Variants in KCNK13 observed in about 807,000 individuals in gnomAD.
KCNK13 encodes potassium two pore domain channel subfamily K member 13.
In KCNK13, 12 loss-of-function variants were observed where a neutral mutation model predicts 23.4. The observed-to-expected ratio is 0.51, with a 90% CI of 0.33 to 0.83. The LOEUF is 0.83. Among genes scored for constraint, KCNK13 ranks in the 40% least tolerant of loss-of-function variants. The pLI, the probability that KCNK13 is intolerant of heterozygous loss-of-function variation, is 0.02. For missense variants in KCNK13, 463 were observed against 556.3 expected, an observed-to-expected ratio of 0.83 and a Z score of 1.69; for synonymous variants, 231 against 229.5, an observed-to-expected ratio of 1.01 and a Z score of -0.06.
chr14:90,165,567 G>T (rs1358087756), intron 1 of KCNK13, among the ~76,000 whole-genome samples: 1 of 152,226 alleles, frequency 6.6e-6, no homozygotes, highest in Non-Finnish European at 1.5e-5. Flanking sequence ...ACATGCCTGT[G>T]TTGGTAACAT....
At chr14:90,103,279 G>A (rs1889503354) in intron 1 of KCNK13, among the ~76,000 whole-genome samples, 1 of 152,152 alleles carries the variant, frequency 6.6e-6, no homozygotes, top group African/African-American at 2.4e-5. Context: ...AAAATGATCT[G>A]TTTTCCTTTG....
intron 1 of KCNK13, among the ~76,000 whole-genome samples, chr14:90,099,251 T>C (rs1396249444): frequency 6.6e-6 from 1 of 152,180 alleles, no homozygotes; most frequent in Admixed American, 6.5e-5. Context: ...CTCAGCGCAG[T>C]TGAACTTTCA....
intron 1 of KCNK13, among the ~76,000 whole-genome samples, chr14:90,181,291 C>T (rs558310504): frequency 7.2e-5 from 11 of 152,122 alleles, no homozygotes; most frequent in Non-Finnish European, 1.5e-4. Flanking sequence ...GAGGTTTATC[C>T]ACAATAGAGG....
chr14:90,072,899 C>T lies in KCNK13; in HGVS notation c.334+10360C>T, dbSNP rs117446955. On this transcript the variant is annotated intron_variant, in intron 1 of 1. Transcript: ENST00000282146. ...TAAAAGTATGAAATTTTGGATTTCA[C>T]CATGGTTAAACACAGTGCACATCTT... Among the ~76,000 whole-genome samples, 69 of 152,098 alleles carry T rather than the reference C, an allele frequency of 4.5e-4. 3 individuals carry two copies. In the East Asian group the frequency reaches 9.3e-3, roughly 20 times the overall value.
rs553753142 is a variant in KCNK13, at chr14:90,164,945, C to T, written c.335-19166C>T. Among the ~76,000 whole-genome samples the T allele has an allele frequency of 4.5e-4, 69 of 152,270 alleles. 1 individual carries two copies. Among genetic ancestry groups the T allele is most frequent in the Middle Eastern group, 3.4e-3 (1 of 294 alleles). On this transcript the variant is annotated intron_variant, in intron 1 of 1. Coordinates refer to ENST00000282146, the MANE Select transcript of KCNK13 (RefSeq NM_022054.4). ...TTTCACACTGTTCATTTCGCATACC[C>T]CTTACCCATGGGTAATTTATACATG... is the stretch of plus-strand genomic sequence containing the variant.
intron 1 of KCNK13, among the ~76,000 whole-genome samples, chr14:90,151,469 T>G (rs1667096614): frequency 6.6e-6 from 1 of 152,222 alleles, no homozygotes; most frequent in African/African-American, 2.4e-5. Context: ...CTTTGCCCAT[T>G]ATTAAATTAT....
intron 1 of KCNK13, among the ~76,000 whole-genome samples, chr14:90,145,063 GT>G (rs921521679): frequency 2.6e-5 from 4 of 151,016 alleles, no homozygotes; most frequent in Non-Finnish European, 4.4e-5. Flanking sequence ...ATTACATGGG[GT>G]TTTTTTTTAG....
At chr14:90,087,294 G>A (rs1026781403) in intron 1 of KCNK13, among the ~76,000 whole-genome samples, 4 of 151,354 alleles carry the variant, frequency 2.6e-5, no homozygotes, top group Non-Finnish European at 4.4e-5. Flanking sequence ...CCATTATTTC[G>A]TGGTTTAATA....
intron 1 of KCNK13, among the ~76,000 whole-genome samples, chr14:90,111,082 G>C (rs1162933816): frequency 6.6e-6 from 1 of 151,708 alleles, no homozygotes; most frequent in Non-Finnish European, 1.5e-5. Flanking sequence ...CCCTGCATTA[G>C]CCTATTAATA....
chr14:90,064,742 G>C (rs555095912), intron 1 of KCNK13, among the ~76,000 whole-genome samples: 1 of 152,200 alleles, frequency 6.6e-6, no homozygotes, highest in East Asian at 1.9e-4. Context: ...CGTGTTAAAA[G>C]GTAAAAAACA....
At chr14:90,128,241 T>C (rs1329940449) in intron 1 of KCNK13, among the ~76,000 whole-genome samples, 2 of 152,224 alleles carry the variant, frequency 1.3e-5, no homozygotes, top group Non-Finnish European at 2.9e-5. Context: ...TATTCTTTCA[T>C]TCCGGGAAAG....
intron 1 of KCNK13, among the ~76,000 whole-genome samples, chr14:90,133,482 G>A (rs1228912179): frequency 6.7e-6 from 1 of 150,346 alleles, no homozygotes; most frequent in South Asian, 2.1e-4. Flanking sequence ...GCACAACTCT[G>A]AATATCTGAA....
At chr14:90,166,130 G>C (rs1199516726) in intron 1 of KCNK13, among the ~76,000 whole-genome samples, 1 of 152,186 alleles carries the variant, frequency 6.6e-6, no homozygotes, top group African/African-American at 2.4e-5. Flanking sequence ...CCATAGTTCA[G>C]AAGTTACCTG....
intron 1 of KCNK13, among the ~76,000 whole-genome samples, chr14:90,181,346 C>G (rs1477700623): frequency 6.6e-6 from 1 of 152,188 alleles, no homozygotes; most frequent in African/African-American, 2.4e-5. Flanking sequence ...AAGATCAAGG[C>G]ATCAGCAGGT....
In KCNK13 at chr14:90,084,368, T is replaced by A. The variant is rs188629020; in HGVS notation, c.334+21829T>A. On this transcript the variant is annotated intron_variant, in intron 1 of 1. Transcript: ENST00000282146. Reference sequence around the variant, plus strand: ...GCATAAGTTTTGGACTTTAAAAAAATTTCTTAAGTCATTCATTATTTTAAT... The same window carrying A: ...GCATAAGTTTTGGACTTTAAAAAAAATTCTTAAGTCATTCATTATTTTAAT... 2.7e-3 allele frequency among the ~76,000 whole-genome samples: 416 copies of A among 152,332 alleles called. 3 individuals carry two copies. Among genetic ancestry groups the A allele is most frequent in the African/African-American group, 9.6e-3 (399 of 41,574 alleles).
intron 1 of KCNK13, among the ~76,000 whole-genome samples, chr14:90,143,712 T>C (rs986163729): frequency 2.0e-5 from 3 of 152,158 alleles, no homozygotes; most frequent in African/African-American, 7.2e-5. Flanking sequence ...AATGAGACTC[T>C]GGGGCTGCTA....
intron 1 of KCNK13, among the ~76,000 whole-genome samples, chr14:90,168,743 A>T (rs1188248635): frequency 6.6e-6 from 1 of 152,158 alleles, no homozygotes; most frequent in African/African-American, 2.4e-5. Context: ...GTCCCAGGTG[A>T]TCTAAGTTTC....
chr14:90,098,264 T>G (rs1889435052), intron 1 of KCNK13, among the ~76,000 whole-genome samples: 1 of 152,258 alleles, frequency 6.6e-6, no homozygotes, highest in Non-Finnish European at 1.5e-5. Flanking sequence ...CATTTATTAT[T>G]TATTTCCATT....
intron 1 of KCNK13, among the ~76,000 whole-genome samples, chr14:90,087,926 T>C (rs1278938541): frequency 6.6e-6 from 1 of 152,214 alleles, no homozygotes; most frequent in African/African-American, 2.4e-5. Context: ...TGGCTGTAAA[T>C]GCTGATTTTG....
Sources: allele counts gnomAD v4.1 joint callset (sites outside exome capture counted in the v4.1 genomes callset), GRCh38; gene constraint gnomAD v4.1.1; transcripts MANE v1.5; gene names NCBI Gene and HGNC (gene_info 2026-07-23, HGNC 2026-07-21).